The following NDST4 variants were observed in gnomAD, a reference collection of about 807,000 sequenced individuals.
NDST4 encodes N-deacetylase and N-sulfotransferase 4.
NDST4 carries 63 observed loss-of-function variants against 100.8 expected under a neutral mutation model. The ratio of observed to expected loss-of-function variants is 0.62; its 90% CI spans 0.51 to 0.77. The LOEUF is 0.77. NDST4 is among the 30% of genes least tolerant of loss of function. NDST4 has a pLI of 0.00. For missense variants in NDST4, 943 were observed against 1,018.4 expected, an observed-to-expected ratio of 0.93 and a Z score of 1.01; for synonymous variants, 377 against 361.8, an observed-to-expected ratio of 1.04 and a Z score of -0.48.
chr4:115,078,930 G>A (rs1019882306), intron 1 of NDST4, among the ~76,000 whole-genome samples: 4 of 151,892 alleles, frequency 2.6e-5, no homozygotes, highest in Non-Finnish European at 4.4e-5. Context: ...CCTAAAGTCA[G>A]AACTGATATT....
chr4:115,016,713 T>C (rs1727685496), intron 2 of NDST4, among the ~76,000 whole-genome samples: 1 of 152,070 alleles, frequency 6.6e-6, no homozygotes, highest in African/African-American at 2.4e-5. Context: ...TTAGGGCATC[T>C]TGTAGTATTA....
intron 6 of NDST4, among the ~76,000 whole-genome samples, chr4:114,913,686 G>C (rs1725108392): frequency 7.0e-6 from 1 of 143,582 alleles, no homozygotes; most frequent in Non-Finnish European, 1.5e-5. Context: ...CTGGTCCCCA[G>C]AATGGTATGC....
intron 2 of NDST4, among the ~76,000 whole-genome samples, chr4:115,049,727 T>G (rs1728543762): frequency 6.6e-6 from 1 of 151,966 alleles, no homozygotes; most frequent in African/African-American, 2.4e-5. Context: ...ATGAGACAAT[T>G]TGGATGATGA....
At chr4:114,872,041 T>G (rs1183452362) in intron 6 of NDST4, among the ~76,000 whole-genome samples, 1 of 151,956 alleles carries the variant, frequency 6.6e-6, no homozygotes, top group Non-Finnish European at 1.5e-5. Flanking sequence ...CGCTGACACT[T>G]TTTTAAGGGT....
At chr4:115,045,021 G>A (rs200455735) in intron 2 of NDST4, among the ~76,000 whole-genome samples, 7 of 152,008 alleles carry the variant, frequency 4.6e-5, no homozygotes, top group African/African-American at 1.7e-4. Flanking sequence ...CAAGTTGGTA[G>A]AGTAATTTTA....
At chr4:114,850,523 A>T (rs1318321931) in intron 8 of NDST4, among the ~76,000 whole-genome samples, 1 of 152,150 alleles carries the variant, frequency 6.6e-6, no homozygotes, top group Non-Finnish European at 1.5e-5. Context: ...TTTTTCATCT[A>T]TCCTTGACAT....
chr4:115,025,114 T>C (rs1457292059), intron 2 of NDST4, among the ~76,000 whole-genome samples: 1 of 152,170 alleles, frequency 6.6e-6, no homozygotes, highest in Non-Finnish European at 1.5e-5. Flanking sequence ...CCGAGTCTTG[T>C]TATTCTGTAA....
At chr4:114,867,738 A>G (rs1367924941) in intron 7 of NDST4, among the ~76,000 whole-genome samples, 1 of 148,082 alleles carries the variant, frequency 6.8e-6, no homozygotes, top group Admixed American at 6.6e-5. Flanking sequence ...TACCAAAATA[A>G]TAAAGGACAT....
chr4:114,925,605 T>TG, intron 6 of NDST4, among the ~76,000 whole-genome samples: 1 of 152,286 alleles, frequency 6.6e-6, no homozygotes, highest in Admixed American at 6.5e-5. Context: ...AAGTTTATCA[T>TG]TGCAGTTCCA....
chr4:114,857,074 T>G (rs531220335), intron 7 of NDST4, among the ~76,000 whole-genome samples: 2 of 152,302 alleles, frequency 1.3e-5, no homozygotes, highest in South Asian at 4.1e-4. Flanking sequence ...CACTTGGGCT[T>G]TATATGCTGG....
intron 2 of NDST4, among the ~76,000 whole-genome samples, chr4:115,050,083 C>G (rs896706638): frequency 6.6e-6 from 1 of 152,054 alleles, no homozygotes; most frequent in Non-Finnish European, 1.5e-5. Context: ...TAATATCTTG[C>G]TTTCATGTTA....
intron 4 of NDST4, among the ~76,000 whole-genome samples, chr4:114,961,846 G>C (rs1726270536): frequency 6.6e-6 from 1 of 151,938 alleles, no homozygotes; most frequent in Non-Finnish European, 1.5e-5. Flanking sequence ...CATGAGGCTA[G>C]TATCACCCTG....
intron 6 of NDST4, among the ~76,000 whole-genome samples, chr4:114,910,567 T>C (rs1373882634): frequency 2.0e-5 from 3 of 152,194 alleles, no homozygotes; most frequent in Admixed American, 6.5e-5. Flanking sequence ...ATTTATGTTT[T>C]TGAAATGTGT....
At chr4:114,886,848 A>C (rs28465489) in intron 6 of NDST4, among the ~76,000 whole-genome samples, 13,626 of 152,176 alleles carry the variant, frequency 0.09, 1,792 homozygotes, top group African/African-American at 0.29. Context: ...TAACAAAACG[A>C]ATTTTTGAAT....
chr4:114,936,447 T>C (rs1406327366), intron 5 of NDST4, among the ~76,000 whole-genome samples: 1 of 152,140 alleles, frequency 6.6e-6, no homozygotes, highest in Non-Finnish European at 1.5e-5. Flanking sequence ...AAATCATAGA[T>C]AGATAAATAG....
Position 114,883,745 on chromosome 4 carries a change from G to A in NDST4, c.1537-12795C>T, listed in dbSNP as rs1013087047. Among the ~76,000 whole-genome samples, 4 of 152,186 alleles carry A rather than the reference G, an allele frequency of 2.6e-5. No homozygotes were observed. In the East Asian group the frequency reaches 7.7e-4, roughly 29 times the overall value. ...AATTTTGACAATTTTTTCATGGAAG[G>A]CTAGAGTAGGGGGAAGTAGGGAATG... is the stretch of plus-strand genomic sequence containing the variant. On this transcript the variant is annotated intron_variant, in intron 6 of 13. Transcript: ENST00000264363.
At chr4:114,836,133 T>C (rs1723300715) in intron 11 of NDST4, among the ~76,000 whole-genome samples, 1 of 152,252 alleles carries the variant, frequency 6.6e-6, no homozygotes, top group Admixed American at 6.5e-5. Flanking sequence ...TATTGTTATG[T>C]ATGAATTTGA....
At chr4:115,094,961 C>T (rs1578517603) in intron 1 of NDST4, among the ~76,000 whole-genome samples, 1 of 152,108 alleles carries the variant, frequency 6.6e-6, no homozygotes, top group South Asian at 2.1e-4. Context: ...ATTATGGCAG[C>T]CCTAACAAAC....
At chr4:115,037,034 G>C (rs555399941) in intron 2 of NDST4, among the ~76,000 whole-genome samples, 10 of 151,952 alleles carry the variant, frequency 6.6e-5, no homozygotes, top group Non-Finnish European at 1.5e-4. Flanking sequence ...AAAGATGAGA[G>C]AAGGAAACAG....
Sources: allele counts gnomAD v4.1 joint callset (sites outside exome capture counted in the v4.1 genomes callset), GRCh38; gene constraint gnomAD v4.1.1; transcripts MANE v1.5; gene names NCBI Gene and HGNC (gene_info 2026-07-23, HGNC 2026-07-21).